ATP7B: variants seen among roughly 807,000 people sequenced by gnomAD.
ATP7B encodes ATPase copper transporting beta.
ATP7B carries 113 observed loss-of-function variants against 118.9 expected under a neutral mutation model. The observed-to-expected ratio is 0.95, with a 90% CI of 0.82 to 1.11. ATP7B has a LOEUF of 1.11. Ranked by LOEUF, ATP7B falls within the 50% of genes most tolerant of loss-of-function variation. The pLI is 0.00. For synonymous variants in ATP7B, 777 were observed against 727.4 expected (o/e 1.07, Z -1.10); for missense variants, 1,867 against 1,871.4 (o/e 1.00, Z 0.04).
At chr13:52,010,984 G>C (rs1449313234) in intron 1 of ATP7B, among the ~76,000 whole-genome samples, 1 of 152,230 alleles carries the variant, frequency 6.6e-6, no homozygotes. Flanking sequence ...TAACTTCATC[G>C]TTTTGAGCCA....
At position 51,968,559 on chromosome 13, in the gene ATP7B, T is replaced by C. The variant is rs766056500; in HGVS notation, c.1592A>G (p.Lys531Arg). The change falls in exon 4 of 21, where the codon AAG becomes AGG. Residue 531 changes from lysine to arginine, a missense_variant. By Grantham distance (26) the Lys-to-Arg change is conservative. Coordinates refer to ENST00000242839, the MANE Select transcript of ATP7B (RefSeq NM_000053.4). ...GGGCTGGATGACCTCTGGGTCATACTTGATCTCTGCCTTTCCTGCCATCAA... is the reference window on the plus strand; with the variant it reads ...GGGCTGGATGACCTCTGGGTCATACCTGATCTCTGCCTTTCCTGCCATCAA... ...VALMAGKAEI[K>R]YDPEVIQPLE... 1.3e-5 allele frequency: 21 copies of C among 1,614,086 alleles called. No homozygotes were observed. The highest frequency in any genetic ancestry group is 5.5e-5 in the South Asian group (5 of 91,088).
rs2139666833 is a variant in ATP7B, at chr13:51,961,857, G to A, written c.1926C>T (p.Asp642=). The change falls in exon 6 of 21, where the codon GAC becomes GAT. Residue 642 remains aspartate, a synonymous_variant. Coordinates refer to ENST00000242839, the MANE Select transcript of ATP7B (RefSeq NM_000053.4). Reference sequence around the variant, plus strand: ...CCTACTGCTTTATTTCCATCTTGTGGTCCAAGTGATGAGCGTTGGGGTTTC... The same window carrying A: ...CCTACTGCTTTATTTCCATCTTGTGATCCAAGTGATGAGCGTTGGGGTTTC... The part of the protein sequence containing the change: ...AQRNPNAHHL[D]HKMEIKQWKK... 3 of 1,613,978 alleles carry A rather than the reference G, an allele frequency of 1.9e-6. No homozygotes were observed. Among genetic ancestry groups the A allele is most frequent in the Non-Finnish European group, 2.5e-6 (3 of 1,179,888 alleles).
At chr13:52,012,043 CA>C, upstream of ATP7B, 1 of 431,618 alleles carries the variant, frequency 2.3e-6, no homozygotes, top group Non-Finnish European at 4.3e-6. Flanking sequence ...CCGCTGTGCG[CA>C]AAGGCCAGCC....
intron 1 of ATP7B, among the ~76,000 whole-genome samples, chr13:51,991,670 A>G (rs1045127390): frequency 6.6e-6 from 1 of 152,074 alleles, no homozygotes; most frequent in African/African-American, 2.4e-5. Context: ...AGTAGAGGAG[A>G]GAGTTAAGGA....
Position 51,973,916 on chromosome 13 carries a change from C to A in ATP7B, c.1285+19G>T. ...GAAAAGGAGACAAGCTCAGGACATG[C>A]CTCAAACACACTACGTACCAGAAAC... On this transcript the variant is annotated intron_variant, in intron 2 of 20. Transcript: ENST00000242839. 6.2e-7 allele frequency: 1 copy of A among 1,614,168 alleles called. No homozygotes were observed. The highest frequency in any genetic ancestry group is 8.5e-7 in the Non-Finnish European group (1 of 1,180,022).
At chr13:51,970,341 C>T (rs1159394892) in intron 3 of ATP7B, 151 bp downstream of exon 3, 2 of 1,099,004 alleles carry the variant, frequency 1.8e-6, no homozygotes, top group Non-Finnish European at 2.7e-6. Flanking sequence ...GCCAGTTATA[C>T]AAGGACATTA....
intron 1 of ATP7B, among the ~76,000 whole-genome samples, chr13:52,010,278 A>C (rs1427662091): frequency 2.6e-5 from 4 of 152,238 alleles, no homozygotes; most frequent in Non-Finnish European, 5.9e-5. Flanking sequence ...GCCTAGATGA[A>C]TTCACTACTA....
At chr13:51,957,401 G>T in intron 9 of ATP7B, 115 bp downstream of exon 9, 2 of 1,061,550 alleles carry the variant, frequency 1.9e-6, no homozygotes, top group Non-Finnish European at 2.9e-6. Flanking sequence ...ATCTTACTGT[G>T]TCTCTGCCCA....
Position 51,941,164 on chromosome 13 carries a change from C to A in ATP7B, c.3473G>T (p.Gly1158Val), listed in dbSNP as rs770428835. 17 of 1,613,994 alleles carry A rather than the reference C, an allele frequency of 1.1e-5. No individual in the cohort carries two copies. Among genetic ancestry groups the A allele is most frequent in the African/African-American group, 6.7e-5 (5 of 74,888 alleles). Residue 1158 changes from glycine (G) to valine (V), a missense_variant, in exon 16 of 21, where the codon GGT becomes GTT. Gly to Val is a moderately radical substitution (Grantham distance 109). Transcript: ENST00000242839. ...ACTGACATCGCTAGAAATGGTTAAACCGTTGCGCCTCAGCCACTCACGGTT... is the reference window on the plus strand; with the variant it reads ...ACTGACATCGCTAGAAATGGTTAAAACGTTGCGCCTCAGCCACTCACGGTT... ...IGNREWLRRNGLTISSDVSDA... is the reference protein window; with the variant it reads ...IGNREWLRRNVLTISSDVSDA...
intron 9 of ATP7B, among the ~76,000 whole-genome samples, chr13:51,956,449 C>T (rs1341818628): frequency 6.6e-6 from 1 of 152,200 alleles, no homozygotes; most frequent in African/African-American, 2.4e-5. Context: ...TGGTTAGAGT[C>T]TGCATGACAT....
intron 4 of ATP7B, 45 bp from the exon 5 acceptor site, chr13:51,965,078 A>G: frequency 6.2e-7 from 1 of 1,610,508 alleles, no homozygotes; most frequent in Non-Finnish European, 8.5e-7. Context: ...AGGATCAAGG[A>G]AAGCCTGTGA....
intron 1 of ATP7B, among the ~76,000 whole-genome samples, chr13:51,983,648 C>A (rs995058463): frequency 2.3e-5 from 2 of 86,898 alleles, no homozygotes; most frequent in South Asian, 3.0e-4. Flanking sequence ...CCAAAAGATA[C>A]CCCATACAAG....
At chr13:51,975,878 CAG>C (rs1952092367) in intron 1 of ATP7B, among the ~76,000 whole-genome samples, 2 of 152,314 alleles carry the variant, frequency 1.3e-5, no homozygotes, top group African/African-American at 4.8e-5. Context: ...GCTGGAAGAA[CAG>C]AAAGTTGAGT....
intron 2 of ATP7B, among the ~76,000 whole-genome samples, chr13:51,972,127 C>T (rs985882888): frequency 6.6e-6 from 1 of 152,184 alleles, no homozygotes; most frequent in African/African-American, 2.4e-5. Context: ...TTCAGCATTT[C>T]TCTCAACCAT....
In ATP7B at chr13:51,974,831, G is replaced by C. The variant is rs753045361; in HGVS notation, c.389C>G (p.Ala130Gly). Residue 130 changes from alanine to glycine, a missense_variant, in exon 2 of 21, where the codon GCA (alanine) becomes GGA (glycine). Physicochemically the swap from Ala to Gly is moderately conservative, Grantham distance 60. Transcript: ENST00000242839. ...GFEASIAEGK[A>G]ASWPSRSLPA... Reference sequence around the variant, plus strand: ...CAAGGACCTTGAGGGCCAGGAGGCTGCCTTTCCTTCTGCAATGCTGGCCTC... The same window carrying C: ...CAAGGACCTTGAGGGCCAGGAGGCTCCCTTTCCTTCTGCAATGCTGGCCTC... 5.6e-6 allele frequency: 9 copies of C among 1,614,184 alleles called. No homozygotes were observed. In the Admixed American group the frequency reaches 1.5e-4, roughly 27 times the overall value.
chr13:51,950,208 C>T lies in ATP7B; in HGVS notation c.2576-47G>A, dbSNP rs993947225. 3.1e-6 allele frequency: 5 copies of T among 1,614,062 alleles called. No individual in the cohort carries two copies. In the African/African-American group the frequency reaches 5.3e-5, roughly 17 times the overall value. On this transcript the variant is annotated intron_variant, in intron 10 of 20. Coordinates refer to ENST00000242839, the MANE Select transcript of ATP7B (RefSeq NM_000053.4). ...CTGTCACTTGCTCAGCCCCATCCAG[C>T]ACTCATGTGACCTGACAGCTGCTAT...
At chr13:51,943,245 G>GC (rs1957445807) in intron 14 of ATP7B, among the ~76,000 whole-genome samples, 1 of 152,290 alleles carries the variant, frequency 6.6e-6, no homozygotes, top group East Asian at 1.9e-4. Context: ...CTGACTGTGA[G>GC]CCCCTCATCT....
Position 51,941,096 on chromosome 13 carries a change from G to A in ATP7B, c.3541C>T (p.Leu1181=), listed in dbSNP as rs780648361. The stretch of plus-strand genomic sequence containing the variant: ...CAGAAGATACCGTCAATAGCCACCA[G>A]GATGGCTGTCTGTCCTTTCATCTCG... ...DHEMKGQTAI[L]VAIDGVLCGM... Residue 1181 remains leucine (L), a synonymous_variant, in exon 16 of 21, where the codon CTG becomes TTG. Transcript: ENST00000242839. 2.5e-6 allele frequency: 4 copies of A among 1,614,088 alleles called. No homozygotes were observed. The South Asian group carries it at 3.3e-5, about 13-fold the overall frequency.
rs746637821 is a variant in ATP7B at position 51,970,696 on chromosome 13, G to A, written c.1339C>T (p.Gln447Ter). ...GATGTAGGTGTACCATCTGTAGTTT[G>A]CACCATGGAATTCCCAGCACTGTGG... Reference protein sequence around the residue: ...GNHSAGNSMVQTTDGTPTSVQ... With the variant: ...GNHSAGNSMV The change falls in exon 3 of 21, where the codon CAA becomes TAA. Residue 447 changes from glutamine (Q) to a stop codon, truncating the protein, a stop_gained. Transcript: ENST00000242839. LOFTEE classifies it high-confidence loss of function. The A allele has an allele frequency of 6.2e-7, 1 of 1,614,136 alleles. No individual in the cohort carries two copies. Among genetic ancestry groups the A allele is most frequent in the Non-Finnish European group, 8.5e-7 (1 of 1,179,984 alleles).
Sources: gnomAD v4.1 joint callset for allele counts (sites outside exome capture counted in the v4.1 genomes callset) on GRCh38, gnomAD v4.1.1 for gene constraint, MANE v1.5 for transcripts, NCBI Gene and HGNC (gene_info 2026-07-23, HGNC 2026-07-21) for gene names.